The following SOX6 variants were observed in gnomAD, a reference collection of about 807,000 sequenced individuals.
The protein encoded by SOX6 is SRY-box transcription factor 6, also known as transcription factor SOX-6.
A neutral mutation model predicts 97.8 loss-of-function variants in SOX6; 11 were observed. That is an observed-to-expected ratio of 0.11 (90% CI 0.07 to 0.19). The LOEUF is 0.19. Among genes scored for constraint, SOX6 ranks in the 10% least tolerant of loss-of-function variants. SOX6 has a pLI of 1.00. For synonymous variants in SOX6, 360 were observed against 371.4 expected, an observed-to-expected ratio of 0.97 and a Z score of 0.35; for missense variants, 810 against 1,039.5, an observed-to-expected ratio of 0.78 and a Z score of 3.04.
intron 3 of SOX6, among the ~76,000 whole-genome samples, chr11:16,616,391 A>G (rs1046686433): frequency 3.9e-5 from 6 of 152,102 alleles, no homozygotes; most frequent in African/African-American, 1.2e-4. Flanking sequence ...AAATTTGACT[A>G]AATTCTCTAA....
At chr11:16,062,223 A>G (rs1008972661) in intron 9 of SOX6, among the ~76,000 whole-genome samples, 1 of 151,662 alleles carries the variant, frequency 6.6e-6, no homozygotes, top group Admixed American at 6.6e-5. Flanking sequence ...AGTTATTAAC[A>G]CAGATAGTCT....
rs528090003 is a variant in SOX6, at chr11:16,234,976, T to G, written c.446-305A>C. 1.6e-3 allele frequency among the ~76,000 whole-genome samples: 248 copies of G among 152,148 alleles called. 2 individuals carry two copies. The highest frequency in any genetic ancestry group is 5.9e-3 in the African/African-American group (244 of 41,548). ...CATTTGTCATTTCTTAGACTGATAG[T>G]ACAGAAAAGAGGGCTCTTTCCTATT... On this transcript the variant is annotated intron_variant, in intron 3 of 15. Transcript: ENST00000683767.
intron 2 of SOX6, among the ~76,000 whole-genome samples, chr11:16,322,240 G>A (rs297359): frequency 0.44 from 67,130 of 151,852 alleles, 15,140 homozygotes; most frequent in East Asian, 0.48. Flanking sequence ...AGGCTTGGTG[G>A]GTGGTGATTA....
At chr11:16,213,720 A>G (rs575226755) in intron 4 of SOX6, among the ~76,000 whole-genome samples, 2 of 152,192 alleles carry the variant, frequency 1.3e-5, no homozygotes, top group Non-Finnish European at 2.9e-5. Context: ...ATTTTAATAC[A>G]TCTTCCTCAG....
At chr11:16,108,926 A>T (rs1395205098) in intron 7 of SOX6, among the ~76,000 whole-genome samples, 1 of 152,044 alleles carries the variant, frequency 6.6e-6, no homozygotes, top group East Asian at 1.9e-4. Context: ...AATGAATGTC[A>T]CCCCAAGGTA....
At chr11:16,672,638 A>C (rs1847855585) in intron 3 of SOX6, among the ~76,000 whole-genome samples, 1 of 152,166 alleles carries the variant, frequency 6.6e-6, no homozygotes, top group Non-Finnish European at 1.5e-5. Context: ...CGCCCCCATA[A>C]TTCAACCACC....
At chr11:16,242,459 C>T (rs1445355106) in intron 3 of SOX6, among the ~76,000 whole-genome samples, 1 of 151,850 alleles carries the variant, frequency 6.6e-6, no homozygotes, top group Admixed American at 6.6e-5. Flanking sequence ...TGTGAAGCGA[C>T]ATGTGACTGT....
intron 3 of SOX6, among the ~76,000 whole-genome samples, chr11:16,709,601 A>T (rs942133242): frequency 3.9e-5 from 6 of 152,062 alleles, no homozygotes; most frequent in Admixed American, 3.9e-4. Flanking sequence ...TATAAGAAAA[A>T]GCTCCCTGAG....
Position 16,161,315 on chromosome 11 carries a change from G to GATAT in SOX6, c.777+22567_777+22570dup, listed in dbSNP as rs58290065. Among the ~76,000 whole-genome samples, 671 of 143,932 alleles carry GATAT rather than the reference G, an allele frequency of 4.7e-3. 1 individual carries two copies. The highest frequency in any genetic ancestry group is 0.016 in the African/African-American group (621 of 39,406). The allele number at this position is 143,932 out of a possible 152,430, so 94.4% of individuals were successfully genotyped here. ...ACACTTAAGATTTGACAATGAATTT[G>GATAT]ATATATATATATATATATCAGATAT... is the stretch of plus-strand genomic sequence containing the variant. On this transcript the variant is annotated intron_variant, in intron 6 of 15. Transcript: ENST00000683767.
chr11:16,554,283 C>A (rs946467151), intron 4 of SOX6, among the ~76,000 whole-genome samples: 1 of 152,052 alleles, frequency 6.6e-6, no homozygotes, highest in Admixed American at 6.6e-5. Context: ...AATCATATTT[C>A]TGTTCGTTAT....
chr11:16,101,862 C>G (rs185009974), intron 7 of SOX6, among the ~76,000 whole-genome samples: 56 of 151,798 alleles, frequency 3.7e-4, no homozygotes, highest in Admixed American at 8.6e-4. Flanking sequence ...GCAAAATTAG[C>G]ATAGAAGGGA....
chr11:16,584,891 T>C (rs1565186803), intron 4 of SOX6, among the ~76,000 whole-genome samples: 1 of 152,204 alleles, frequency 6.6e-6, no homozygotes. Flanking sequence ...GGGTCAAGCA[T>C]CCTGTTTGTT....
At chr11:16,007,000 T>C (rs557703224) in intron 13 of SOX6, among the ~76,000 whole-genome samples, 8 of 151,910 alleles carry the variant, frequency 5.3e-5, no homozygotes, top group Admixed American at 1.3e-4. Flanking sequence ...AGGCTGAAAA[T>C]AGACAGCAGA....
chr11:16,435,695 A>C (rs940567159), intron 1 of SOX6, among the ~76,000 whole-genome samples: 1 of 152,152 alleles, frequency 6.6e-6, no homozygotes, highest in Non-Finnish European at 1.5e-5. Flanking sequence ...CAGCAGCAGC[A>C]GCCCTAGGAA....
intron 3 of SOX6, among the ~76,000 whole-genome samples, chr11:16,689,822 T>A (rs1203620231): frequency 6.6e-6 from 1 of 152,178 alleles, no homozygotes; most frequent in Admixed American, 6.5e-5. Flanking sequence ...AGAGAGGTCA[T>A]CATTTGTTTA....
rs188895738 is a variant in SOX6, at chr11:16,710,474, T to C, written n.429+4356A>G. Among the ~76,000 whole-genome samples, 20 of 152,360 alleles carry C rather than the reference T, an allele frequency of 1.3e-4. No individual in the cohort carries two copies. The East Asian group carries it at 1.5e-3, about 12-fold the overall frequency. Reference sequence around the variant, plus strand: ...AGTCCAATGGCCATTTCTCTGTGCTTATCTTCACTTCTCATCAGCATTCAA... The same window carrying C: ...AGTCCAATGGCCATTTCTCTGTGCTCATCTTCACTTCTCATCAGCATTCAA... On this transcript the variant is annotated intron_variant and non_coding_transcript_variant, in intron 3 of 5. Coordinates refer to the SOX6 transcript ENST00000524520.
At chr11:16,042,895 T>C (rs1855711070) in intron 12 of SOX6, among the ~76,000 whole-genome samples, 1 of 152,168 alleles carries the variant, frequency 6.6e-6, no homozygotes, top group Admixed American at 6.5e-5. Context: ...ACTTTTCATG[T>C]GCAGTTGTGA....
chr11:15,996,438 G>T (rs1854230033), intron 13 of SOX6, among the ~76,000 whole-genome samples: 1 of 151,946 alleles, frequency 6.6e-6, no homozygotes, highest in South Asian at 2.1e-4. Context: ...AGACCAGCCT[G>T]GGCAACATAC....
chr11:16,429,385 T>C (rs1304407355), intron 1 of SOX6, among the ~76,000 whole-genome samples: 5 of 152,170 alleles, frequency 3.3e-5, no homozygotes, highest in African/African-American at 4.8e-5. Flanking sequence ...TGTATGTTCA[T>C]TGCAGCACTA....
Sources: allele counts gnomAD v4.1 joint callset (sites outside exome capture counted in the v4.1 genomes callset), GRCh38; gene constraint gnomAD v4.1.1; transcripts MANE v1.5; gene names NCBI Gene and HGNC (gene_info 2026-07-23, HGNC 2026-07-21).